Variants in NOS1 observed in about 807,000 individuals in gnomAD.
The protein encoded by NOS1 is nitric oxide synthase 1.
In NOS1, 51 loss-of-function variants were observed where a neutral mutation model predicts 164.5. The observed-to-expected ratio is 0.31, with a 90% CI of 0.25 to 0.39. The LOEUF (loss-of-function observed/expected upper bound fraction) is 0.39. NOS1 is among the 10% of genes least tolerant of loss of function. NOS1 has a pLI of 1.00. For missense variants in NOS1, 1,362 were observed against 1,885.6 expected (o/e 0.72, Z 5.14); for synonymous variants, 719 against 745.8 (o/e 0.96, Z 0.59).
intron 21 of NOS1, 125 bp from the exon 22 acceptor site, chr12:117,232,256 C>A: frequency 1.3e-6 from 1 of 744,718 alleles, no homozygotes; most frequent in Non-Finnish European, 2.2e-6. Context: ...AGCCAAGCAA[C>A]CTTCTAGCTC....
intron 7 of NOS1, 96 bp downstream of exon 7, chr12:117,285,145 G>A (rs1341305191): frequency 4.9e-6 from 3 of 606,818 alleles, no homozygotes; most frequent in Non-Finnish European, 8.5e-6. Context: ...GAGATGAGGT[G>A]CATTTCCCTG....
chr12:117,235,485 C>A (rs777873537), intron 20 of NOS1, among the ~76,000 whole-genome samples: 20 of 152,134 alleles, frequency 1.3e-4, no homozygotes, highest in Non-Finnish European at 2.5e-4. Context: ...CCAAGCCCCA[C>A]CCCCTTTGGC....
chr12:117,219,606 C>T (rs1337835592), intron 27 of NOS1, among the ~76,000 whole-genome samples: 3 of 152,132 alleles, frequency 2.0e-5, no homozygotes, highest in South Asian at 2.1e-4. Context: ...CGAGCCCAGC[C>T]GGGGTGAGTT....
At position 117,272,961 on chromosome 12, in the gene NOS1, T is replaced by C. The variant is rs1239462646; in HGVS notation, c.1665-402A>G. On this transcript the variant is annotated intron_variant, in intron 9 of 28. Coordinates refer to ENST00000317775, the MANE Select transcript of NOS1 (RefSeq NM_000620.5). The surrounding 1 kb of genome is among the most constrained non-coding windows in gnomAD (Gnocchi z 4.3). ...AACTCTGTCACCCAAACTTCTTCTT[T>C]CTTTCTTTTTTTTGGGGGGTAGGGG... Among the ~76,000 whole-genome samples, 2 of 152,138 alleles carry C rather than the reference T, an allele frequency of 1.3e-5. No individual in the cohort carries two copies. The highest frequency in any genetic ancestry group is 4.8e-5 in the African/African-American group (2 of 41,422).
Position 117,209,900 on chromosome 12 carries a change from T to C in NOS1, c.*5409A>G. 1 of 985,508 alleles carries C rather than the reference T, an allele frequency of 1.0e-6. No individual in the cohort carries two copies. The highest frequency in any genetic ancestry group is 1.2e-6 in the Non-Finnish European group (1 of 829,976). The allele number at this position is 985,508 out of a possible 1,614,324, so 61.0% of individuals were successfully genotyped here. ...CCCTGTTCATGGGGAACATCTATGT[T>C]GACTCCCTGGGAGGCAGGCCCCTTC... is the stretch of plus-strand genomic sequence containing the variant. On this transcript the variant is annotated 3_prime_UTR_variant, in exon 29 of 29. Coordinates refer to ENST00000317775, the MANE Select transcript of NOS1 (RefSeq NM_000620.5).
intron 3 of NOS1, chr12:117,301,984 G>A (rs1566066607): frequency 4.4e-6 from 2 of 456,696 alleles, no homozygotes; most frequent in Non-Finnish European, 8.8e-6. Flanking sequence ...GGGCTCCATG[G>A]CCTGGGTTCA....
chr12:117,342,592 G>C (rs968820403), intron 1 of NOS1, among the ~76,000 whole-genome samples: 8 of 152,144 alleles, frequency 5.3e-5, no homozygotes, highest in Non-Finnish European at 1.0e-4. Flanking sequence ...GATAAATCTG[G>C]AGAGGTCATC....
chr12:117,283,710 G>C (rs1318230581), intron 7 of NOS1, among the ~76,000 whole-genome samples: 1 of 151,996 alleles, frequency 6.6e-6, no homozygotes, highest in Non-Finnish European at 1.5e-5. Flanking sequence ...ACAAAAATTA[G>C]CTGGGCATGG....
chr12:117,260,638 T>A, intron 13 of NOS1, 29 bp from the exon 14 acceptor site: 2 of 1,599,840 alleles, frequency 1.3e-6, no homozygotes, highest in Non-Finnish European at 8.6e-7. Flanking sequence ...AGATGAAAAA[T>A]GGGCAACAGA....
At chr12:117,249,295 G>A (rs190531409) in intron 17 of NOS1, among the ~76,000 whole-genome samples, 60 of 152,204 alleles carry the variant, frequency 3.9e-4, no homozygotes, top group East Asian at 1.5e-3. Flanking sequence ...GTTTCTCTTC[G>A]TTTCTTTTGG....
chr12:117,301,853 G>C (rs2136043351), intron 3 of NOS1, among the ~76,000 whole-genome samples: 1 of 152,238 alleles, frequency 6.6e-6, no homozygotes, highest in Middle Eastern at 3.4e-3. Flanking sequence ...TGTAAAATGG[G>C]CACAGTGCTT....
Position 117,213,892 on chromosome 12 carries a change from A to G in NOS1, c.*1417T>C. 5.1e-6 allele frequency: 5 copies of G among 985,452 alleles called. No individual in the cohort carries two copies. The highest frequency in any genetic ancestry group is 6.0e-6 in the Non-Finnish European group (5 of 829,936). 61.0% of individuals were successfully genotyped at this position (985,452 alleles called of 1,614,324 possible). A position where few individuals can be genotyped will look rare whatever the true frequency, so the allele number is the denominator to read the frequency against. Reference sequence around the variant, plus strand: ...CCATTTACTCTGAGAGAGTAAATTCAACAGGTTGCCTCTTAGGGAGGAATT... The same window carrying G: ...CCATTTACTCTGAGAGAGTAAATTCGACAGGTTGCCTCTTAGGGAGGAATT... On this transcript the variant is annotated 3_prime_UTR_variant, in exon 29 of 29. Coordinates refer to ENST00000317775, the MANE Select transcript of NOS1 (RefSeq NM_000620.5).
At chr12:117,281,650 A>G (rs1230548708) in intron 7 of NOS1, among the ~76,000 whole-genome samples, 1 of 151,914 alleles carries the variant, frequency 6.6e-6, no homozygotes, top group Admixed American at 6.6e-5. Context: ...CCTGGCACAC[A>G]TGGTGAAACC....
At chr12:117,247,110 A>AT (rs1001986380) in intron 18 of NOS1, among the ~76,000 whole-genome samples, 14 of 151,806 alleles carry the variant, frequency 9.2e-5, no homozygotes, top group East Asian at 1.9e-4. Flanking sequence ...ACTCTATATA[A>AT]TTTTTTTTAT....
chr12:117,251,072 G>A (rs187009015), intron 17 of NOS1, among the ~76,000 whole-genome samples: 2 of 152,234 alleles, frequency 1.3e-5, no homozygotes, highest in Non-Finnish European at 2.9e-5. Context: ...GGTCATGAAG[G>A]TGAAGCCTCA....
chr12:117,300,280 A>G (rs1391801062), intron 3 of NOS1, among the ~76,000 whole-genome samples: 1 of 152,228 alleles, frequency 6.6e-6, no homozygotes, highest in African/African-American at 2.4e-5. Flanking sequence ...GAGCGTGCAG[A>G]GTGGTGTCAC....
chr12:117,343,307 A>G (rs1223340781), intron 1 of NOS1, among the ~76,000 whole-genome samples: 1 of 152,126 alleles, frequency 6.6e-6, no homozygotes, highest in Non-Finnish European at 1.5e-5. Context: ...ATGGGGGTGA[A>G]AGAAAGAATA....
At chr12:117,319,486 AT>A (rs891490341) in intron 2 of NOS1, among the ~76,000 whole-genome samples, 6 of 152,322 alleles carry the variant, frequency 3.9e-5, no homozygotes, top group African/African-American at 1.4e-4. Context: ...TCAAACTCAT[AT>A]GTCTGCAGAA....
chr12:117,290,550 A>G, intron 3 of NOS1, 124 bp from the exon 4 acceptor site: 1 of 1,183,272 alleles, frequency 8.5e-7, no homozygotes, highest in Non-Finnish European at 1.2e-6. Context: ...AACTGTCTAC[A>G]TCCAGAGTAA....
Sources: allele counts gnomAD v4.1 joint callset (sites outside exome capture counted in the v4.1 genomes callset), GRCh38; gene constraint gnomAD v4.1.1; non-coding constraint Gnocchi (gnomAD v3.1); transcripts MANE v1.5; gene names NCBI Gene and HGNC (gene_info 2026-07-23, HGNC 2026-07-21).